Variants in AGMO observed in about 807,000 individuals in gnomAD.
AGMO encodes the protein alkylglycerol monooxygenase.
A neutral mutation model predicts 60.2 loss-of-function variants in AGMO; 75 were observed. The ratio of observed to expected loss-of-function variants is 1.25; its 90% CI spans 1.03 to 1.51. The LOEUF (loss-of-function observed/expected upper bound fraction) is 1.51. Ranked by LOEUF, AGMO falls within the 40% of genes most tolerant of loss-of-function variation. The pLI is 0.00. For missense variants in AGMO, 763 were observed against 525.5 expected, an observed-to-expected ratio of 1.45 and a Z score of -4.42; for synonymous variants, 261 against 177.1, an observed-to-expected ratio of 1.47 and a Z score of -3.76.
At chr7:15,167,522 A>G in the AGMO span, among the ~76,000 whole-genome samples, 2 of 152,226 alleles carry the variant, frequency 1.3e-5, no homozygotes, top group South Asian at 2.1e-4. Context: ...ACCTCCAAAC[A>G]CTAAAAGGAA....
intron 5 of AGMO, among the ~76,000 whole-genome samples, chr7:15,401,110 C>G (rs1583512611): frequency 6.6e-6 from 1 of 151,900 alleles, no homozygotes; most frequent in Non-Finnish European, 1.5e-5. Flanking sequence ...TTTCATGATA[C>G]AATTTTCAGA....
At chr7:15,541,056 T>A (rs1362486271) in intron 3 of AGMO, among the ~76,000 whole-genome samples, 1 of 152,124 alleles carries the variant, frequency 6.6e-6, no homozygotes, top group African/African-American at 2.4e-5. Flanking sequence ...ACATGTTTAG[T>A]GTAACTAATA....
chr7:15,389,014 T>C (rs1181690778), intron 8 of AGMO, among the ~76,000 whole-genome samples: 1 of 152,230 alleles, frequency 6.6e-6, no homozygotes, highest in African/African-American at 2.4e-5. Flanking sequence ...AAAATACTAA[T>C]CATCCCACTA....
At chr7:15,228,087 TCTTTA>T (rs1202697600) in intron 12 of AGMO, among the ~76,000 whole-genome samples, 1 of 152,174 alleles carries the variant, frequency 6.6e-6, no homozygotes, top group Non-Finnish European at 1.5e-5. Flanking sequence ...TATTTTAATT[TCTTTA>T]AAGTTTTTCT....
intron 3 of AGMO, among the ~76,000 whole-genome samples, chr7:15,503,258 T>C (rs117479254): frequency 1.1e-3 from 160 of 152,124 alleles, no homozygotes; most frequent in Non-Finnish European, 1.9e-3. Flanking sequence ...CAAGCATACA[T>C]TGTGTCACTT....
At chr7:15,220,460 C>T (rs1485062707) in intron 12 of AGMO, among the ~76,000 whole-genome samples, 4 of 151,456 alleles carry the variant, frequency 2.6e-5, no homozygotes, top group African/African-American at 7.3e-5. Context: ...TCAGGCAATC[C>T]GCCCACCTCG....
At chr7:15,171,443 T>C in the AGMO span, among the ~76,000 whole-genome samples, 1 of 152,226 alleles carries the variant, frequency 6.6e-6, no homozygotes, top group South Asian at 2.1e-4. Context: ...TTCTTTCCCC[T>C]TTCCATACTA....
chr7:15,364,452 T>C (rs1053522752), intron 12 of AGMO, among the ~76,000 whole-genome samples: 4 of 152,068 alleles, frequency 2.6e-5, no homozygotes, highest in Non-Finnish European at 5.9e-5. Context: ...AAAGGGTTTC[T>C]TGTGTTATTA....
intron 12 of AGMO, among the ~76,000 whole-genome samples, chr7:15,338,260 A>G (rs1156678718): frequency 6.6e-6 from 1 of 152,202 alleles, no homozygotes; most frequent in Non-Finnish European, 1.5e-5. Flanking sequence ...ACTGCTACCA[A>G]GTTGCAAAAC....
At chr7:15,471,221 C>T (rs1349540701) in intron 3 of AGMO, among the ~76,000 whole-genome samples, 1 of 151,932 alleles carries the variant, frequency 6.6e-6, no homozygotes, top group East Asian at 1.9e-4. Context: ...CACAACTCTG[C>T]AAGCTGGAGG....
the AGMO span, among the ~76,000 whole-genome samples, chr7:15,192,546 C>G: frequency 2.0e-5 from 3 of 152,140 alleles, no homozygotes; most frequent in Non-Finnish European, 4.4e-5. Flanking sequence ...ATTCACCATC[C>G]TTCAAGTCTG....
At chr7:15,241,953 G>A (rs1048544972) in intron 12 of AGMO, among the ~76,000 whole-genome samples, 3 of 152,110 alleles carry the variant, frequency 2.0e-5, no homozygotes, top group Non-Finnish European at 4.4e-5. Context: ...TCTACAGGAT[G>A]CCCACATTCC....
At chr7:15,439,496 C>G (rs1015056338) in intron 3 of AGMO, among the ~76,000 whole-genome samples, 2 of 152,144 alleles carry the variant, frequency 1.3e-5, no homozygotes, top group African/African-American at 4.8e-5. Context: ...GTACTCTGCC[C>G]CTTGCCTTTG....
chr7:15,272,333 A>G (rs1377162815), intron 12 of AGMO, among the ~76,000 whole-genome samples: 1 of 133,496 alleles, frequency 7.5e-6, no homozygotes, highest in Admixed American at 8.9e-5. Context: ...CCCGTGTCCA[A>G]GTGTTCTCGT....
intron 12 of AGMO, among the ~76,000 whole-genome samples, chr7:15,291,685 A>C (rs919669810): frequency 2.0e-5 from 3 of 152,206 alleles, no homozygotes; most frequent in Non-Finnish European, 4.4e-5. Context: ...GAGAGGATTG[A>C]AACAGAATAC....
At chr7:15,527,090 T>C (rs552877587) in intron 3 of AGMO, among the ~76,000 whole-genome samples, 15 of 152,164 alleles carry the variant, frequency 9.9e-5, no homozygotes, top group Non-Finnish European at 2.1e-4. Flanking sequence ...AACCCTACAA[T>C]CACCTCTAAG....
At chr7:15,386,360 A>G (rs762178368) in intron 9 of AGMO, among the ~76,000 whole-genome samples, 8 of 152,160 alleles carry the variant, frequency 5.3e-5, no homozygotes, top group East Asian at 3.9e-4. Context: ...CTACACATCT[A>G]TATTTTTTAA....
At chr7:15,232,282 A>G (rs996165408) in intron 12 of AGMO, among the ~76,000 whole-genome samples, 15 of 152,200 alleles carry the variant, frequency 9.9e-5, no homozygotes, top group African/African-American at 3.4e-4. Context: ...AGGTGCCACA[A>G]GTATCCACAA....
the AGMO span, among the ~76,000 whole-genome samples, chr7:15,153,109 A>G: frequency 6.6e-6 from 1 of 151,484 alleles, no homozygotes; most frequent in East Asian, 1.9e-4. Context: ...ATTTTTCCAT[A>G]TGTTTGTTGG....
Sources: gnomAD v4.1 joint callset for allele counts (sites outside exome capture counted in the v4.1 genomes callset) on GRCh38, gnomAD v4.1.1 for gene constraint, MANE v1.5 for transcripts, NCBI Gene and HGNC (gene_info 2026-07-23, HGNC 2026-07-21) for gene names.